GABRB3: variants seen among roughly 807,000 people sequenced by gnomAD.
GABRB3 encodes the protein gamma-aminobutyric acid type A receptor subunit beta3.
GABRB3 carries 14 observed loss-of-function variants against 52.1 expected under a neutral mutation model. That is an observed-to-expected ratio of 0.27 (90% CI 0.18 to 0.42). GABRB3 has a LOEUF of 0.42. Among genes scored for constraint, GABRB3 ranks in the 10% least tolerant of loss-of-function variants. GABRB3 has a pLI of 1.00. For synonymous variants in GABRB3, 260 were observed against 232.3 expected, an observed-to-expected ratio of 1.12 and a Z score of -1.08; for missense variants, 307 against 609.1, an observed-to-expected ratio of 0.50 and a Z score of 5.22.
At chr15:26,667,541 G>C (rs761094710) in intron 3 of GABRB3, among the ~76,000 whole-genome samples, 4 of 152,156 alleles carry the variant, frequency 2.6e-5, no homozygotes, top group Non-Finnish European at 4.4e-5. Context: ...TCTACAAAAG[G>C]TGTGGTTTAA....
intron 4 of GABRB3, among the ~76,000 whole-genome samples, chr15:26,585,005 T>G (rs915687223): frequency 2.0e-5 from 3 of 152,034 alleles, no homozygotes; most frequent in Non-Finnish European, 4.4e-5. Flanking sequence ...TTTACAGGCT[T>G]GTGATGCTGT....
At chr15:26,752,755 G>C (rs938630664) in intron 3 of GABRB3, among the ~76,000 whole-genome samples, 1 of 151,872 alleles carries the variant, frequency 6.6e-6, no homozygotes, top group Non-Finnish European at 1.5e-5. Flanking sequence ...TCCCCTCTTG[G>C]CAATTTTCAC....
At chr15:26,753,618 G>A (rs945904295) in intron 3 of GABRB3, among the ~76,000 whole-genome samples, 1 of 152,168 alleles carries the variant, frequency 6.6e-6, no homozygotes, top group African/African-American at 2.4e-5. Context: ...AACCGTTAGA[G>A]GCAGTGCAGC....
upstream of GABRB3, chr15:26,773,756 T>G (rs912952251): frequency 5.8e-6 from 9 of 1,543,074 alleles, no homozygotes; most frequent in African/African-American, 1.1e-4. Context: ...CCTGCTGGGA[T>G]CCGCTCTCCC....
chr15:26,557,257 G>T (rs1387252151), intron 8 of GABRB3, among the ~76,000 whole-genome samples: 1 of 152,116 alleles, frequency 6.6e-6, no homozygotes, highest in Admixed American at 6.6e-5. Context: ...GGAAACAGCA[G>T]ACACCAGGGA....
chr15:26,726,092 T>C (rs184495175), intron 3 of GABRB3, among the ~76,000 whole-genome samples: 1 of 148,770 alleles, frequency 6.7e-6, no homozygotes, highest in African/African-American at 2.5e-5. Context: ...ATATCACAGC[T>C]GGAGGGAGCT....
At chr15:26,731,525 A>AGTG (rs1955704361) in intron 3 of GABRB3, among the ~76,000 whole-genome samples, 1 of 152,200 alleles carries the variant, frequency 6.6e-6, no homozygotes, top group Non-Finnish European at 1.5e-5. Context: ...ACACCCACAC[A>AGTG]GATATGCCAG....
Position 26,547,541 on chromosome 15 carries a change from A to G in GABRB3, c.*252T>C, listed in dbSNP as rs1183122203. On this transcript the variant is annotated 3_prime_UTR_variant, in exon 9 of 9. Coordinates refer to ENST00000311550, the MANE Select transcript of GABRB3 (RefSeq NM_000814.6). ...AATTGTCCATAGCTGCAAAATGTAT[A>G]TATGTATGTGTATTTGTCTTCCATA... 3 of 580,102 alleles carry G rather than the reference A, an allele frequency of 5.2e-6. No homozygotes were observed. The highest frequency in any genetic ancestry group is 1.9e-5 in the African/African-American group (1 of 53,674). The allele number at this position is 580,102 out of a possible 1,614,324, so 35.9% of individuals were successfully genotyped here.
In GABRB3 at chr15:26,763,867, C is replaced by T. The variant is rs539901379; in HGVS notation, c.240+8535G>A. Reference sequence around the variant, plus strand: ...ACAAAATAAAATAAAACAAATGGACCGGGCATGGTGGCTCACACCTGTCAT... The same window carrying T: ...ACAAAATAAAATAAAACAAATGGACTGGGCATGGTGGCTCACACCTGTCAT... On this transcript the variant is annotated intron_variant, in intron 3 of 8. Transcript: ENST00000311550. Among the ~76,000 whole-genome samples the T allele has an allele frequency of 3.0e-4, 45 of 151,688 alleles. 1 individual carries two copies. The East Asian group carries it at 7.5e-3, about 25-fold the overall frequency.
upstream of GABRB3, chr15:26,773,106 G>A (rs1359871323): frequency 2.0e-4 from 169 of 831,942 alleles, no homozygotes; most frequent in African/African-American, 2.8e-4. Context: ...GGGGAGGAGG[G>A]GGAGGAGCGG....
intron 3 of GABRB3, among the ~76,000 whole-genome samples, chr15:26,644,335 T>G (rs1006493493): frequency 6.6e-6 from 1 of 152,124 alleles, no homozygotes; most frequent in Non-Finnish European, 1.5e-5. Flanking sequence ...TTTACAGAGA[T>G]GATTAAATTA....
chr15:26,714,851 G>T (rs1889416937), intron 3 of GABRB3, among the ~76,000 whole-genome samples: 1 of 152,172 alleles, frequency 6.6e-6, no homozygotes, highest in Non-Finnish European at 1.5e-5. Flanking sequence ...ATGAACAGCA[G>T]TTCAGGAAAT....
At chr15:26,627,692 T>C (rs1892760340) in intron 3 of GABRB3, among the ~76,000 whole-genome samples, 1 of 152,184 alleles carries the variant, frequency 6.6e-6, no homozygotes, top group African/African-American at 2.4e-5. Context: ...CTTGAATGAA[T>C]GAGGAGTTGC....
intron 3 of GABRB3, among the ~76,000 whole-genome samples, chr15:26,709,246 G>A (rs141875635): frequency 3.1e-4 from 47 of 152,250 alleles, no homozygotes; most frequent in Non-Finnish European, 5.4e-4. Flanking sequence ...TGGGTCATGC[G>A]GGTGGAGACC....
chr15:26,695,128 G>A (rs921609510), intron 3 of GABRB3, among the ~76,000 whole-genome samples: 2 of 152,122 alleles, frequency 1.3e-5, no homozygotes, highest in African/African-American at 4.8e-5. Context: ...TTAAGAAATA[G>A]TCAGTGTAAC....
intron 3 of GABRB3, among the ~76,000 whole-genome samples, chr15:26,686,774 C>T (rs986012513): frequency 3.3e-5 from 5 of 152,218 alleles, no homozygotes; most frequent in South Asian, 2.1e-4. Context: ...ACAGGGCACC[C>T]GGCGTGGGAT....
intron 3 of GABRB3, among the ~76,000 whole-genome samples, chr15:26,676,350 C>T (rs1373891759): frequency 6.6e-6 from 1 of 152,088 alleles, no homozygotes; most frequent in East Asian, 1.9e-4. Context: ...GGAAGGCTGG[C>T]TCAGGGCATT....
chr15:26,589,932 T>C (rs1307672236), intron 4 of GABRB3, among the ~76,000 whole-genome samples: 1 of 152,208 alleles, frequency 6.6e-6, no homozygotes, highest in Non-Finnish European at 1.5e-5. Context: ...TTGGCTTTAA[T>C]GTCCCAAATG....
At position 26,653,605 on chromosome 15, in the gene GABRB3, C is replaced by T. The variant is rs182115073; in HGVS notation, c.241-32071G>A. Among the ~76,000 whole-genome samples, 82 of 152,286 alleles carry T rather than the reference C, an allele frequency of 5.4e-4. No homozygotes were observed. The Middle Eastern group carries it at 0.014, about 25-fold the overall frequency. ...AAACTCCAGTCTCCCTTTTAGCTGG[C>T]TCTGCATGAGTTAAACTCTTTCTCT... On this transcript the variant is annotated intron_variant, in intron 3 of 8. Coordinates refer to ENST00000311550, the MANE Select transcript of GABRB3 (RefSeq NM_000814.6).
Sources: allele counts gnomAD v4.1 joint callset (sites outside exome capture counted in the v4.1 genomes callset), GRCh38; gene constraint gnomAD v4.1.1; transcripts MANE v1.5; gene names NCBI Gene and HGNC (gene_info 2026-07-23, HGNC 2026-07-21).